QSER1: variants seen among roughly 807,000 people sequenced by gnomAD.
QSER1 encodes glutamine and serine rich 1.
QSER1 carries 49 observed loss-of-function variants against 158.5 expected under a neutral mutation model. The observed-to-expected ratio is 0.31, with a 90% CI of 0.25 to 0.39. The LOEUF (loss-of-function observed/expected upper bound fraction) is 0.39. Ranked by LOEUF, QSER1 falls within the 10% of genes least tolerant of loss-of-function variation. QSER1 has a pLI of 1.00. For synonymous variants in QSER1, 650 were observed against 715.5 expected (o/e 0.91, Z 1.46); for missense variants, 1,754 against 2,010.3 (o/e 0.87, Z 2.44).
intron 4 of QSER1, 99 bp downstream of exon 4, chr11:32,935,534 G>T: frequency 2.2e-6 from 2 of 906,218 alleles, no homozygotes; most frequent in Non-Finnish European, 3.3e-6. Flanking sequence ...AGGTCTGCAA[G>T]TACATTTTCA....
At chr11:32,909,215 G>A (rs1412410234) in intron 1 of QSER1, among the ~76,000 whole-genome samples, 1 of 152,134 alleles carries the variant, frequency 6.6e-6, no homozygotes, top group Non-Finnish European at 1.5e-5. Flanking sequence ...TGCCACACTT[G>A]TGATTGTCTT....
chr11:32,917,697 C>T (rs1440555527), intron 1 of QSER1, among the ~76,000 whole-genome samples: 3 of 151,570 alleles, frequency 2.0e-5, no homozygotes, highest in Admixed American at 6.6e-5. Flanking sequence ...GTGGTGGCAC[C>T]GGCCTATAGT....
In QSER1 at chr11:32,956,859, G is replaced by A. The variant is rs1449811177; in HGVS notation, c.4751+738G>A. Among the ~76,000 whole-genome samples the A allele has an allele frequency of 3.3e-5, 5 of 152,068 alleles. No individual in the cohort carries two copies. In the East Asian group the frequency reaches 7.7e-4, roughly 23 times the overall value. On this transcript the variant is annotated intron_variant, in intron 7 of 12. Transcript: ENST00000650167. ...GGCATGATCACGGCACTGCAGCCTC[G>A]ACCTCCCAGGCTCAGGTGATCCTCC...
intron 3 of QSER1, among the ~76,000 whole-genome samples, 186 bp downstream of exon 3, chr11:32,928,309 T>C (rs1430756613): frequency 6.6e-6 from 1 of 152,214 alleles, no homozygotes. Flanking sequence ...GGCAGAAATT[T>C]AGTTTTAGCA....
At chr11:32,962,192 G>A (rs372782070) in intron 8 of QSER1, among the ~76,000 whole-genome samples, 2 of 152,204 alleles carry the variant, frequency 1.3e-5, no homozygotes, top group African/African-American at 4.8e-5. Flanking sequence ...ATCCTAGCAA[G>A]TGTGAAGTGG....
chr11:32,931,675 C>A, intron 3 of QSER1, 68 bp from the exon 4 acceptor site: 1 of 1,249,960 alleles, frequency 8.0e-7, no homozygotes, highest in South Asian at 1.5e-5. Flanking sequence ...TTATGTAAGT[C>A]ATTACTATGA....
At chr11:32,913,829 T>G (rs1240536457) in intron 1 of QSER1, among the ~76,000 whole-genome samples, 1 of 152,202 alleles carries the variant, frequency 6.6e-6, no homozygotes, top group Admixed American at 6.5e-5. Flanking sequence ...TCTAACTAAT[T>G]GTCTGTGTGG....
chr11:32,976,825 AT>A lies in QSER1; in HGVS notation c.*361del, dbSNP rs946666396. 138 of 198,968 alleles carry A rather than the reference AT, an allele frequency of 6.9e-4. No individual in the cohort carries two copies. Among genetic ancestry groups the A allele is most frequent in the Middle Eastern group, 3.6e-3 (2 of 552 alleles). 12.3% of individuals were successfully genotyped at this position (198,968 alleles called of 1,614,324 possible). A position where few individuals can be genotyped will look rare whatever the true frequency, so the allele number is the denominator to read the frequency against. ...TAGAGAAGTAACACTTAAAGTAACG[AT>A]TTTTTTTTTCTGACTCCGGCTAAAC... On this transcript the variant is annotated 3_prime_UTR_variant, in exon 13 of 13. Coordinates refer to ENST00000650167, the MANE Select transcript of QSER1 (RefSeq NM_001076786.3).
chr11:32,932,659 TAGTC>T lies in QSER1; in HGVS notation c.1406_1409del (p.Gln469ProfsTer6), dbSNP rs748543077. ...CGCAGCTACCAAGCCTTTTATCAGT[TAGTC>T]AGTCCCAAAATTACGGTTTAGTACA... On this transcript the variant is annotated frameshift_variant, in exon 4 of 13. Coordinates refer to ENST00000650167, the MANE Select transcript of QSER1 (RefSeq NM_001076786.3). LOFTEE classifies it high-confidence loss of function. 5 of 1,614,086 alleles carry T rather than the reference TAGTC, an allele frequency of 3.1e-6. No homozygotes were observed. The highest frequency in any genetic ancestry group is 1.7e-5 in the Admixed American group (1 of 60,006).
chr11:32,921,157 C>G (rs543779796), intron 1 of QSER1, among the ~76,000 whole-genome samples: 21 of 152,122 alleles, frequency 1.4e-4, no homozygotes, highest in Non-Finnish European at 2.8e-4. Flanking sequence ...ATGGAATATT[C>G]AGCCCTAAAA....
chr11:32,974,425 CA>C (rs34050306), intron 11 of QSER1, among the ~76,000 whole-genome samples: 11,377 of 91,656 alleles, frequency 0.12, 579 homozygotes, highest in African/African-American at 0.23. Context: ...GACACTGTCT[CA>C]AAAAAAAAAA....
chr11:32,921,612 A>G (rs1470905801), intron 1 of QSER1, among the ~76,000 whole-genome samples: 1 of 152,210 alleles, frequency 6.6e-6, no homozygotes, highest in Non-Finnish European at 1.5e-5. Context: ...AAACACTACA[A>G]AAGATTGTTG....
intron 8 of QSER1, among the ~76,000 whole-genome samples, chr11:32,965,101 AT>A (rs574691929): frequency 4.0e-5 from 6 of 151,696 alleles, no homozygotes; most frequent in Non-Finnish European, 8.8e-5. Flanking sequence ...CATTAAAATG[AT>A]TTTTTTCTTT....
chr11:32,958,532 T>C (rs1350737019), intron 8 of QSER1, among the ~76,000 whole-genome samples: 1 of 152,080 alleles, frequency 6.6e-6, no homozygotes, highest in Non-Finnish European at 1.5e-5. Flanking sequence ...ACTATAGGTG[T>C]GCACCACCAT....
At chr11:32,928,958 G>A in intron 3 of QSER1, among the ~76,000 whole-genome samples, 1 of 152,026 alleles carries the variant, frequency 6.6e-6, no homozygotes, top group Middle Eastern at 3.4e-3. Flanking sequence ...CATGTATTTA[G>A]TTAGATTTTC....
chr11:32,919,780 CCTCT>C (rs1334280534), intron 1 of QSER1, among the ~76,000 whole-genome samples: 6 of 152,166 alleles, frequency 3.9e-5, no homozygotes, highest in Non-Finnish European at 5.9e-5. Context: ...TTTGTCTCTT[CCTCT>C]CTATTTATTC....
chr11:32,935,203 A>G lies in QSER1; in HGVS notation c.3945A>G (p.Thr1315=), dbSNP rs776109726. The G allele has an allele frequency of 5.6e-6, 9 of 1,613,914 alleles. No individual in the cohort carries two copies. The highest frequency in any genetic ancestry group is 7.6e-6 in the Non-Finnish European group (9 of 1,179,914). Residue 1315 remains threonine, a synonymous_variant, in exon 4 of 13, where the codon ACA becomes ACG. Transcript: ENST00000650167. ...TRRPGTQMVR[T]FCPPPLPKPS... ...GGCCAGGGACCCAGATGGTTCGTAC[A>G]TTTTGTCCCCCACCACTTCCCAAGC...
chr11:32,925,729 T>C (rs956415386), intron 1 of QSER1, among the ~76,000 whole-genome samples: 5 of 151,922 alleles, frequency 3.3e-5, no homozygotes, highest in African/African-American at 4.8e-5. Flanking sequence ...GGTTTTGCCA[T>C]GTTGGCCAGG....
Position 32,979,240 on chromosome 11 carries a change from A to C in QSER1, c.*2766A>C, listed in dbSNP as rs895622636. On this transcript the variant is annotated 3_prime_UTR_variant, in exon 13 of 13. Transcript: ENST00000650167. ...CCAGGGAGTTTGAAATTTATACTAT[A>C]GAAATAACTTTAGGTTTTAGGTAGA... 6.6e-6 allele frequency: 1 copy of C among 152,670 alleles called. No homozygotes were observed. Among genetic ancestry groups the C allele is most frequent in the Admixed American group, 6.5e-5 (1 of 15,286 alleles). 9.5% of individuals were successfully genotyped at this position (152,670 alleles called of 1,614,324 possible).
Sources: allele counts gnomAD v4.1 joint callset (sites outside exome capture counted in the v4.1 genomes callset), GRCh38; gene constraint gnomAD v4.1.1; transcripts MANE v1.5; gene names NCBI Gene and HGNC (gene_info 2026-07-23, HGNC 2026-07-21).